The following TJP1 variants were observed in gnomAD, a reference collection of about 807,000 sequenced individuals.
The protein encoded by TJP1 is tight junction protein 1, also known as tight junction protein ZO-1.
In TJP1, 43 loss-of-function variants were observed where a neutral mutation model predicts 194.2. The observed-to-expected ratio is 0.22, with a 90% CI of 0.17 to 0.29. The LOEUF is 0.29. Among genes scored for constraint, TJP1 ranks in the 10% least tolerant of loss-of-function variants. TJP1 has a pLI of 1.00. For synonymous variants in TJP1, 801 were observed against 779.0 expected (o/e 1.03, Z -0.47); for missense variants, 1,971 against 2,185.7 (o/e 0.90, Z 1.96).
intron 2 of TJP1, among the ~76,000 whole-genome samples, chr15:29,945,799 ACG>A (rs1491031619): frequency 2.1e-5 from 2 of 96,656 alleles, no homozygotes; most frequent in Non-Finnish European, 4.8e-5. Flanking sequence ...ACACACACAC[ACG>A]CACACACACA....
chr15:29,955,093 T>A (rs377348257), intron 2 of TJP1, among the ~76,000 whole-genome samples: 113 of 151,540 alleles, frequency 7.5e-4, no homozygotes, highest in Middle Eastern at 6.9e-3. Context: ...AAAAAAAAAA[T>A]AATAATAATA....
At chr15:29,707,316 C>T (rs1352567091) in intron 25 of TJP1, among the ~76,000 whole-genome samples, 7 of 152,146 alleles carry the variant, frequency 4.6e-5, no homozygotes, top group South Asian at 2.1e-4. Flanking sequence ...GAAAGACCAA[C>T]GAAACAGAAT....
At position 29,734,304 on chromosome 15, in the gene TJP1, C is replaced by G; in HGVS notation, c.1486G>C (p.Val496Leu). ...FLLDLPKGEEVTILAQKKKDV... is the reference protein window; with the variant it reads ...FLLDLPKGEELTILAQKKKDV... Reference sequence around the variant, plus strand: ...TTCTTCTTCTGAGCCAATATGGTCACTTCTTCTCCTTTAGGGAGGTCAAGC... The same window carrying G: ...TTCTTCTTCTGAGCCAATATGGTCAGTTCTTCTCCTTTAGGGAGGTCAAGC... The change falls in exon 12 of 28, where the codon GTG (valine) becomes CTG (leucine). Residue 496 changes from valine to leucine, a missense_variant. Val to Leu is a conservative substitution (Grantham distance 32, BLOSUM62 1). Around this residue, in one of 5 missense-constraint regions of TJP1, gnomAD observed 402 missense variants for 484.2 expected, o/e 0.83. Coordinates refer to ENST00000614355, the MANE Select transcript of TJP1 (RefSeq NM_001330239.4). The G allele has an allele frequency of 6.2e-7, 1 of 1,612,568 alleles. No individual in the cohort carries two copies. The highest frequency in any genetic ancestry group is 8.5e-7 in the Non-Finnish European group (1 of 1,179,582).
At chr15:29,887,890 C>T (rs991811195) in intron 2 of TJP1, among the ~76,000 whole-genome samples, 2 of 152,106 alleles carry the variant, frequency 1.3e-5, no homozygotes, top group Non-Finnish European at 1.5e-5. Context: ...GGCAATTTGG[C>T]AATACATGTA....
chr15:29,882,426 C>G (rs2052969039), intron 2 of TJP1, among the ~76,000 whole-genome samples: 2 of 152,114 alleles, frequency 1.3e-5, no homozygotes. Flanking sequence ...TTAGAGACAT[C>G]AGTAACCTTT....
intron 3 of TJP1, among the ~76,000 whole-genome samples, chr15:29,772,799 C>A (rs1440568103): frequency 6.6e-6 from 1 of 152,178 alleles, no homozygotes; most frequent in Non-Finnish European, 1.5e-5. Context: ...GGGTCTCGCT[C>A]TGTCACTTGG....
intron 1 of TJP1, among the ~76,000 whole-genome samples, chr15:29,821,243 G>A (rs1046630334): frequency 2.6e-5 from 4 of 152,104 alleles, no homozygotes; most frequent in African/African-American, 9.7e-5. Context: ...ATATTTCAGA[G>A]CACATAGGAA....
In TJP1 at chr15:29,726,797, A is replaced by C; in HGVS notation, c.2295T>G (p.Asn765Lys). 1 of 1,614,004 alleles carries C rather than the reference A, an allele frequency of 6.2e-7. No homozygotes were observed. The highest frequency in any genetic ancestry group is 1.1e-5 in the South Asian group (1 of 91,074). The stretch of plus-strand genomic sequence containing the variant: ...CATACTCACTTGTAAAAAGATGGTG[A>C]TTATTTTTACGAAGTTTATGAGATC... ...YERSHKLRKN[N>K]HHLFTTTINL... The change falls in exon 17 of 28, where the codon AAT (asparagine) becomes AAG (lysine). Residue 765 changes from asparagine to lysine, a missense_variant. Asn to Lys is a moderately conservative substitution (Grantham distance 94, BLOSUM62 0). Around this residue, in one of 5 missense-constraint regions of TJP1, gnomAD observed 402 missense variants for 484.2 expected, o/e 0.83. Coordinates refer to ENST00000614355, the MANE Select transcript of TJP1 (RefSeq NM_001330239.4).
At chr15:29,906,638 G>C (rs886959773) in intron 2 of TJP1, among the ~76,000 whole-genome samples, 1 of 151,768 alleles carries the variant, frequency 6.6e-6, no homozygotes, top group African/African-American at 2.4e-5. Flanking sequence ...GGAGTGCAGT[G>C]GTGCAATCTC....
chr15:29,739,169 A>T (rs1200388534), intron 10 of TJP1, among the ~76,000 whole-genome samples: 2 of 152,194 alleles, frequency 1.3e-5, no homozygotes, highest in African/African-American at 4.8e-5. Context: ...CCCTTTAGTA[A>T]AACATGGCTT....
intron 4 of TJP1, among the ~76,000 whole-genome samples, chr15:29,767,324 AGTT>A (rs1416068837): frequency 6.6e-6 from 1 of 152,184 alleles, no homozygotes; most frequent in Non-Finnish European, 1.5e-5. Flanking sequence ...ACCTCACTGT[AGTT>A]CTACAGGATC....
chr15:29,851,981 T>G (rs2051659931), intron 2 of TJP1, among the ~76,000 whole-genome samples: 1 of 152,160 alleles, frequency 6.6e-6, no homozygotes, highest in Non-Finnish European at 1.5e-5. Context: ...GAAAGTTAAC[T>G]CAAAATGTAT....
At chr15:29,923,873 C>A (rs1250555989) in intron 2 of TJP1, among the ~76,000 whole-genome samples, 1 of 152,164 alleles carries the variant, frequency 6.6e-6, no homozygotes, top group Non-Finnish European at 1.5e-5. Flanking sequence ...GTTTGCGTGA[C>A]CCCTGCCACC....
At chr15:29,912,695 CAAAAAAAAAAAAA>C (rs71103416) in intron 2 of TJP1, among the ~76,000 whole-genome samples, 1 of 64,950 alleles carries the variant, frequency 1.5e-5, no homozygotes, top group African/African-American at 8.7e-5. Context: ...GACTCTGTCT[CAAAAAAAAAAAAA>C]AAAAAAAAAA....
intron 23 of TJP1, among the ~76,000 whole-genome samples, chr15:29,711,807 C>G (rs1471848440): frequency 1.3e-5 from 2 of 152,170 alleles, no homozygotes; most frequent in African/African-American, 4.8e-5. Context: ...CCCATACAGT[C>G]TTTGTTAGAA....
intron 2 of TJP1, among the ~76,000 whole-genome samples, chr15:29,949,460 TCCACCACCACCACCTCCACAA>T (rs2055479589): frequency 6.6e-5 from 2 of 30,448 alleles, no homozygotes; most frequent in Non-Finnish European, 1.2e-4. Flanking sequence ...CACCACCACT[TCCACCACCACCACCTCCACAA>T]CCACCACCTC....
intron 18 of TJP1, among the ~76,000 whole-genome samples, chr15:29,722,435 C>G (rs2042985561): frequency 6.6e-6 from 1 of 152,196 alleles, no homozygotes; most frequent in Admixed American, 6.5e-5. Context: ...GCCTTGGCAG[C>G]TTCCACATGA....
chr15:29,724,699 G>C (rs1196932753), intron 18 of TJP1, among the ~76,000 whole-genome samples: 1 of 152,182 alleles, frequency 6.6e-6, no homozygotes, highest in African/African-American at 2.4e-5. Context: ...AGTAGTTTTA[G>C]TTTAAGAATC....
intron 2 of TJP1, among the ~76,000 whole-genome samples, chr15:29,798,160 G>A (rs561378786): frequency 5.9e-5 from 9 of 152,032 alleles, no homozygotes; most frequent in Admixed American, 5.2e-4. Context: ...TTTAGTAGAC[G>A]GGGTTTCACC....
Sources: allele counts gnomAD v4.1 joint callset (sites outside exome capture counted in the v4.1 genomes callset), GRCh38; gene constraint gnomAD v4.1.1; regional missense constraint gnomAD v4.1.1; transcripts MANE v1.5; gene names NCBI Gene and HGNC (gene_info 2026-07-23, HGNC 2026-07-21).